The following CSMD3 variants were observed in gnomAD, a reference collection of about 807,000 sequenced individuals.
CSMD3 encodes the protein CUB and Sushi multiple domains 3.
CSMD3 carries 177 observed loss-of-function variants against 435.2 expected under a neutral mutation model. The ratio of observed to expected loss-of-function variants is 0.41; its 90% confidence interval spans 0.36 to 0.46. The LOEUF is 0.46. CSMD3 is among the 20% of genes least tolerant of loss of function. The pLI, the probability that CSMD3 is intolerant of heterozygous loss-of-function variation, is 0.34. For missense variants in CSMD3, 4,265 were observed against 4,504.6 expected, an observed-to-expected ratio of 0.95 and a Z score of 1.52; for synonymous variants, 1,656 against 1,520.5, an observed-to-expected ratio of 1.09 and a Z score of -2.07.
intron 32 of CSMD3, among the ~76,000 whole-genome samples, chr8:112,425,836 C>G (rs1813010631): frequency 6.6e-6 from 1 of 151,376 alleles, no homozygotes; most frequent in South Asian, 2.1e-4. Context: ...AAAAAAATCT[C>G]AAAATAAGAA....
At chr8:112,726,620 TGGATTTA>T (rs2131992113) in intron 13 of CSMD3, among the ~76,000 whole-genome samples, 1 of 151,976 alleles carries the variant, frequency 6.6e-6, no homozygotes, top group South Asian at 2.1e-4. Context: ...ATATGGAGCT[TGGATTTA>T]GGCTGTCTTT....
At chr8:112,406,117 T>G (rs1254217813) in intron 35 of CSMD3, among the ~76,000 whole-genome samples, 1 of 152,064 alleles carries the variant, frequency 6.6e-6, no homozygotes, top group Non-Finnish European at 1.5e-5. Context: ...ATTGCCTGCT[T>G]GTAAAAAAAA....
chr8:113,162,888 A>C (rs977761043), intron 4 of CSMD3, among the ~76,000 whole-genome samples: 6 of 152,072 alleles, frequency 3.9e-5, no homozygotes, highest in African/African-American at 1.4e-4. Context: ...CAAGATTAAT[A>C]CTCTTCACAC....
chr8:112,234,167 CACG>C (rs922366826), intron 68 of CSMD3, among the ~76,000 whole-genome samples, 195 bp downstream of exon 68: 1 of 151,784 alleles, frequency 6.6e-6, no homozygotes, highest in Admixed American at 6.6e-5. Flanking sequence ...CACACACACA[CACG>C]ACAAAAGTAA....
chr8:112,419,969 T>A (rs962639540), intron 32 of CSMD3, among the ~76,000 whole-genome samples: 2 of 152,190 alleles, frequency 1.3e-5, no homozygotes, highest in Admixed American at 1.3e-4. Context: ...TGTTCAAATA[T>A]GTTATTAGCA....
intron 9 of CSMD3, among the ~76,000 whole-genome samples, chr8:112,936,251 C>T (rs1554723140): frequency 6.6e-6 from 1 of 151,968 alleles, no homozygotes; most frequent in Non-Finnish European, 1.5e-5. Flanking sequence ...TTGGACATCT[C>T]TTCTCCTTGT....
chr8:112,535,115 C>T (rs963239705), intron 27 of CSMD3, among the ~76,000 whole-genome samples: 12 of 152,034 alleles, frequency 7.9e-5, no homozygotes, highest in Non-Finnish European at 5.9e-5. Flanking sequence ...TGGCACAAGA[C>T]AGGGATGCCC....
At chr8:112,678,480 T>G (rs1354327941) in intron 16 of CSMD3, among the ~76,000 whole-genome samples, 2 of 152,152 alleles carry the variant, frequency 1.3e-5, no homozygotes. Context: ...CTTTACAAAC[T>G]GATCTCAAGA....
intron 38 of CSMD3, among the ~76,000 whole-genome samples, chr8:112,369,688 A>G (rs1363191968): frequency 6.6e-6 from 1 of 151,922 alleles, no homozygotes; most frequent in African/African-American, 2.4e-5. Context: ...CAGGGAGGGG[A>G]ACATCACATA....
chr8:112,291,778 T>A, intron 55 of CSMD3, 83 bp from the exon 56 acceptor site: 1 of 885,760 alleles, frequency 1.1e-6, no homozygotes, highest in South Asian at 1.6e-5. Context: ...ATGTACATAC[T>A]TAGTTTCAAA....
At chr8:112,695,244 G>C (rs2131847219) in intron 13 of CSMD3, among the ~76,000 whole-genome samples, 1 of 152,206 alleles carries the variant, frequency 6.6e-6, no homozygotes, top group Admixed American at 6.5e-5. Flanking sequence ...ATTCCACACA[G>C]ACATATCTAA....
At chr8:112,230,676 T>C (rs557567778) in intron 69 of CSMD3, among the ~76,000 whole-genome samples, 1 of 151,980 alleles carries the variant, frequency 6.6e-6, no homozygotes, top group South Asian at 2.1e-4. Flanking sequence ...CATGGTAGTG[T>C]GCATGGTGGT....
chr8:112,467,446 C>A (rs1157978893), intron 32 of CSMD3, among the ~76,000 whole-genome samples: 4 of 152,074 alleles, frequency 2.6e-5, no homozygotes, highest in South Asian at 4.1e-4. Flanking sequence ...TCCAAGAAAT[C>A]TGAATGTCAG....
chr8:112,699,061 G>T (rs1812179050), intron 13 of CSMD3, among the ~76,000 whole-genome samples: 1 of 152,122 alleles, frequency 6.6e-6, no homozygotes, highest in African/African-American at 2.4e-5. Flanking sequence ...AGCAGGATGT[G>T]GGTGGGGCCA....
chr8:112,704,228 C>A (rs1397990568), intron 13 of CSMD3, among the ~76,000 whole-genome samples: 1 of 151,926 alleles, frequency 6.6e-6, no homozygotes, highest in East Asian at 1.9e-4. Flanking sequence ...GATCCCCCCA[C>A]CTCAACTGCT....
intron 11 of CSMD3, among the ~76,000 whole-genome samples, chr8:112,857,078 T>G (rs2080682218): frequency 6.6e-6 from 1 of 151,584 alleles, no homozygotes; most frequent in Admixed American, 6.6e-5. Context: ...GTTTTATATG[T>G]GTGAAACTGT....
intron 1 of CSMD3, among the ~76,000 whole-genome samples, chr8:113,409,669 T>G (rs1290219853): frequency 6.6e-6 from 1 of 152,202 alleles, no homozygotes; most frequent in Admixed American, 6.5e-5. Flanking sequence ...TGAAGTTCTT[T>G]TATCAGCCTT....
chr8:112,586,987 T>C (rs1290405396), intron 23 of CSMD3, 79 bp downstream of exon 23: 3 of 938,724 alleles, frequency 3.2e-6, no homozygotes, highest in South Asian at 2.7e-5. Context: ...CATATATATA[T>C]AGATGTATAT....
intron 13 of CSMD3, among the ~76,000 whole-genome samples, chr8:112,770,699 T>A (rs1358619741): frequency 6.6e-6 from 1 of 151,998 alleles, no homozygotes; most frequent in Non-Finnish European, 1.5e-5. Flanking sequence ...AAACTAAAAA[T>A]ATTGATTTAA....
Sources: gnomAD v4.1 joint callset for allele counts (sites outside exome capture counted in the v4.1 genomes callset) on GRCh38, gnomAD v4.1.1 for gene constraint, MANE v1.5 for transcripts, NCBI Gene and HGNC (gene_info 2026-07-23, HGNC 2026-07-21) for gene names.